TBC1D32: variants seen among roughly 807,000 people sequenced by gnomAD.
TBC1D32 encodes protein broad-minded.
A neutral mutation model predicts 170.3 loss-of-function variants in TBC1D32; 151 were observed. The observed-to-expected ratio is 0.89, with a 90% CI of 0.78 to 1.01. The LOEUF (loss-of-function observed/expected upper bound fraction) is 1.01, where lower values mean the gene tolerates loss of function less well. Ranked by LOEUF, TBC1D32 falls within the 50% of genes least tolerant of loss-of-function variation. TBC1D32 has a pLI of 0.00. For missense variants in TBC1D32, 1,464 were observed against 1,457.1 expected, an observed-to-expected ratio of 1.00 and a Z score of -0.08; for synonymous variants, 498 against 488.0, an observed-to-expected ratio of 1.02 and a Z score of -0.27.
chr6:121,208,729 G>GAAAAAAAAAAAACAAAAAAA (rs1792631658), intron 21 of TBC1D32, among the ~76,000 whole-genome samples: 1 of 86,898 alleles, frequency 1.2e-5, no homozygotes, highest in Non-Finnish European at 2.4e-5. Context: ...GAAACACCTG[G>GAAAAAAAAAAAACAAAAAAA]AAAAAAAAAA....
intron 1 of TBC1D32, among the ~76,000 whole-genome samples, chr6:121,329,954 G>C (rs920955796): frequency 4.6e-5 from 7 of 151,888 alleles, no homozygotes; most frequent in Non-Finnish European, 1.0e-4. Context: ...AAAGTTACTA[G>C]GAATGCATTC....
intron 24 of TBC1D32, among the ~76,000 whole-genome samples, chr6:121,155,310 T>C (rs184262475): frequency 9.7e-4 from 147 of 152,228 alleles, no homozygotes; most frequent in African/African-American, 3.5e-3. Context: ...TTTCAATCTA[T>C]ACTGTTGTAT....
At position 121,161,048 on chromosome 6, in the gene TBC1D32, A is replaced by G; in HGVS notation, c.2579T>C (p.Ile860Thr). 6.2e-7 allele frequency: 1 copy of G among 1,609,526 alleles called. No homozygotes were observed. The highest frequency in any genetic ancestry group is 1.7e-4 in the Middle Eastern group (1 of 6,056). Residue 860 changes from isoleucine to threonine, a missense_variant, in exon 23 of 32, where the codon ATA becomes ACA. Physicochemically the swap from Ile to Thr is moderately conservative, Grantham distance 89 (BLOSUM62 -1). Coordinates refer to ENST00000398212, the MANE Select transcript of TBC1D32 (RefSeq NM_152730.6). Reference sequence around the variant, plus strand: ...TCTCTCCACTGATAAGCCATCAATTATAAAGTCCCTGAAAAAATAAATATA... The same window carrying G: ...TCTCTCCACTGATAAGCCATCAATTGTAAAGTCCCTGAAAAAATAAATATA... ...QSHIFGLRDF[I>T]IDGLSVERNH...
chr6:121,152,928 C>T (rs1438727869), intron 24 of TBC1D32, among the ~76,000 whole-genome samples: 54 of 152,114 alleles, frequency 3.5e-4, no homozygotes, highest in Admixed American at 3.3e-3. Flanking sequence ...TCTTAGCTTA[C>T]TTGCATTGGA....
chr6:121,224,253 A>G (rs553562299), intron 20 of TBC1D32: 1 of 152,272 alleles, frequency 6.6e-6, no homozygotes, highest in South Asian at 2.1e-4. Flanking sequence ...TGCTTTCAAA[A>G]TATGTCACAT....
At chr6:121,131,811 TTAA>T in intron 24 of TBC1D32, 59 bp from the exon 25 acceptor site, 4 of 1,380,020 alleles carry the variant, frequency 2.9e-6, no homozygotes, top group South Asian at 1.4e-5. Context: ...TGAAAAATTA[TTAA>T]TGTTAACTAT....
chr6:121,199,012 A>G (rs1791194758), intron 22 of TBC1D32, among the ~76,000 whole-genome samples: 2 of 151,532 alleles, frequency 1.3e-5, no homozygotes, highest in South Asian at 4.1e-4. Context: ...ATGAATGAAC[A>G]AAAATGAAAG....
In TBC1D32 at chr6:121,310,825, T is replaced by C; in HGVS notation, c.518A>G (p.Lys173Arg). 6.3e-7 allele frequency: 1 copy of C among 1,587,636 alleles called. No individual in the cohort carries two copies. The change falls in exon 4 of 32, where the codon AAA becomes AGA. Residue 173 changes from lysine (K) to arginine (R), a missense_variant. Physicochemically the swap from Lys to Arg is conservative, Grantham distance 26. This residue lies in a region of TBC1D32 where 1,363 missense variants were observed against 1,338.1 expected (regional missense o/e 1.02). Transcript: ENST00000398212. ...CAACTGGTCTAAAATCAATTGTAAT[T>C]TTCCTTGACAAAATTTGTAACTCTG... Reference protein sequence around the residue: ...LNQSYKFCQGKLQLILDQLDP... With the variant: ...LNQSYKFCQGRLQLILDQLDP...
intron 22 of TBC1D32, among the ~76,000 whole-genome samples, chr6:121,175,471 A>G (rs1006608893): frequency 6.6e-6 from 1 of 152,212 alleles, no homozygotes; most frequent in Non-Finnish European, 1.5e-5. Context: ...TCCAGCAGTT[A>G]ATTAAAATAG....
rs879712344 is a variant in TBC1D32, at chr6:121,160,376, G to GT, written c.2680-274dup. On this transcript the variant is annotated intron_variant, in intron 23 of 31. Coordinates refer to ENST00000398212, the MANE Select transcript of TBC1D32 (RefSeq NM_152730.6). ...CAGAATTGATAATGATAAATTTACT[G>GT]TGTTTTTTTTCATAAAAGGAAAATT... 5.0e-3 allele frequency among the ~76,000 whole-genome samples: 215 copies of GT among 43,288 alleles called. 1 individual carries two copies. The highest frequency in any genetic ancestry group is 0.026 in the Non-Finnish European group (163 of 6,262). 28.4% of individuals were successfully genotyped at this position (43,288 alleles called of 152,430 possible).
At position 121,303,762 on chromosome 6, in the gene TBC1D32, C is replaced by T; in HGVS notation, c.936-1G>A. On this transcript the variant is annotated splice_acceptor_variant, in intron 8 of 31. Transcript: ENST00000398212. LOFTEE classifies it high-confidence loss of function. ...ACTCTCCACAATTTCTTCCATATAC[C>T]TTAAAGTTTGGGAAAAAAGAAATAC... The T allele has an allele frequency of 1.3e-6, 2 of 1,513,212 alleles. No individual in the cohort carries two copies. The highest frequency in any genetic ancestry group is 1.8e-6 in the Non-Finnish European group (2 of 1,117,918). The allele number at this position is 1,513,212 out of a possible 1,614,324, so 93.7% of individuals were successfully genotyped here. A position where few individuals can be genotyped will look rare whatever the true frequency, so the allele number is the denominator to read the frequency against.
intron 31 of TBC1D32, among the ~76,000 whole-genome samples, chr6:121,086,501 C>A: frequency 6.6e-6 from 1 of 152,104 alleles, no homozygotes; most frequent in East Asian, 1.9e-4. Context: ...ACCCTGTCAA[C>A]ATTCTCTGGT....
intron 31 of TBC1D32, among the ~76,000 whole-genome samples, chr6:121,085,624 G>A (rs1776183570): frequency 6.6e-6 from 1 of 151,850 alleles, no homozygotes; most frequent in Non-Finnish European, 1.5e-5. Context: ...ACTACAATCT[G>A]ACAACTCATG....
rs572729633 is a variant in TBC1D32 at position 121,184,319 on chromosome 6, G to C, written c.2570+20756C>G. Among the ~76,000 whole-genome samples the C allele has an allele frequency of 2.0e-5, 3 of 152,006 alleles. No homozygotes were observed. The East Asian group carries it at 5.8e-4, about 30-fold the overall frequency. On this transcript the variant is annotated intron_variant, in intron 22 of 31. Transcript: ENST00000398212. ...TACTCCATATGCTTTAGTAAAACAA[G>C]AATTCCAGAGGGTAAGTAATCCATA...
At chr6:121,260,343 CA>C (rs955170714) in intron 15 of TBC1D32, among the ~76,000 whole-genome samples, 5 of 150,416 alleles carry the variant, frequency 3.3e-5, no homozygotes, top group Non-Finnish European at 5.9e-5. Flanking sequence ...AACTTACACT[CA>C]AAAAAAAATG....
At chr6:121,186,543 A>G (rs1789233049) in intron 22 of TBC1D32, among the ~76,000 whole-genome samples, 1 of 152,088 alleles carries the variant, frequency 6.6e-6, no homozygotes, top group Non-Finnish European at 1.5e-5. Context: ...AATACCCACT[A>G]AAGCCATACG....
At chr6:121,198,034 G>A (rs982756255) in intron 22 of TBC1D32, among the ~76,000 whole-genome samples, 4 of 150,886 alleles carry the variant, frequency 2.7e-5, no homozygotes, top group African/African-American at 4.9e-5. Flanking sequence ...CTTGAACATT[G>A]GACTCCAAGT....
At chr6:121,199,293 A>G (rs1355867161) in intron 22 of TBC1D32, among the ~76,000 whole-genome samples, 2 of 151,494 alleles carry the variant, frequency 1.3e-5, no homozygotes, top group African/African-American at 4.9e-5. Context: ...TTAATCCTTT[A>G]AAATTATGAT....
At chr6:121,141,540 C>T (rs1008589369) in intron 24 of TBC1D32, among the ~76,000 whole-genome samples, 2 of 152,122 alleles carry the variant, frequency 1.3e-5, no homozygotes, top group African/African-American at 4.8e-5. Flanking sequence ...CCAAAAAGCA[C>T]ATGAAAAGTC....
Sources: allele counts gnomAD v4.1 joint callset (sites outside exome capture counted in the v4.1 genomes callset), GRCh38; gene constraint gnomAD v4.1.1; regional missense constraint gnomAD v4.1.1; transcripts MANE v1.5; gene names NCBI Gene and HGNC (gene_info 2026-07-23, HGNC 2026-07-21).